Variants in PPFIBP1 observed in about 807,000 individuals in gnomAD.
PPFIBP1 encodes the protein liprin-beta-1.
In PPFIBP1, 112 loss-of-function variants were observed where a neutral mutation model predicts 137.8. The observed-to-expected ratio is 0.81, with a 90% CI of 0.70 to 0.95. PPFIBP1 has a LOEUF of 0.95. PPFIBP1 is among the 40% of genes least tolerant of loss of function. The probability of loss-of-function intolerance (pLI) is 0.00; values close to 1 mark genes in which losing one functional copy is unlikely to be tolerated. For missense variants in PPFIBP1, 1,083 were observed against 1,196.6 expected (o/e 0.91, Z 1.40); for synonymous variants, 378 against 417.3 (o/e 0.91, Z 1.15).
intron 2 of PPFIBP1, among the ~76,000 whole-genome samples, chr12:27,622,054 C>G (rs2056392320): frequency 6.6e-6 from 1 of 152,144 alleles, no homozygotes; most frequent in African/African-American, 2.4e-5. Flanking sequence ...ACTTAGCAGC[C>G]CATCCTTATT....
At position 27,692,944 on chromosome 12, in the gene PPFIBP1, C is replaced by G; in HGVS notation, c.*62C>G. ...TTTTTTCTACTTGCTTTTCCAAACA[C>G]TCACAGTATATACAACAGGCAGCGG... is the stretch of plus-strand genomic sequence containing the variant. On this transcript the variant is annotated 3_prime_UTR_variant, in exon 30 of 30. Transcript: ENST00000228425. 1 of 1,600,032 alleles carries G rather than the reference C, an allele frequency of 6.2e-7. No individual in the cohort carries two copies. The highest frequency in any genetic ancestry group is 8.5e-7 in the Non-Finnish European group (1 of 1,173,632).
At chr12:27,641,555 T>TA (rs2058105535) in intron 4 of PPFIBP1, among the ~76,000 whole-genome samples, 1 of 152,328 alleles carries the variant, frequency 6.6e-6, no homozygotes, top group South Asian at 2.1e-4. Context: ...TTTTCTGTAA[T>TA]AAAAAACATT....
At chr12:27,645,626 A>C (rs1281345793) in intron 4 of PPFIBP1, among the ~76,000 whole-genome samples, 4 of 152,220 alleles carry the variant, frequency 2.6e-5, no homozygotes, top group African/African-American at 9.6e-5. Context: ...AAAAGTGTTA[A>C]AATGGAGATA....
chr12:27,620,128 G>C (rs1447555634), intron 2 of PPFIBP1, among the ~76,000 whole-genome samples: 3 of 152,094 alleles, frequency 2.0e-5, no homozygotes, highest in Non-Finnish European at 4.4e-5. Context: ...GACTGTTCTT[G>C]CTTCTACCTC....
intron 2 of PPFIBP1, among the ~76,000 whole-genome samples, chr12:27,589,016 G>A (rs2052132663): frequency 6.6e-6 from 1 of 152,156 alleles, no homozygotes; most frequent in African/African-American, 2.4e-5. Context: ...ACTTCTGAAA[G>A]CACAGCGTTG....
chr12:27,539,354 T>G (rs992173007), intron 1 of PPFIBP1, among the ~76,000 whole-genome samples: 3 of 152,324 alleles, frequency 2.0e-5, no homozygotes, highest in African/African-American at 7.2e-5. Flanking sequence ...TGGCGTGGGT[T>G]TATCAGAGCT....
chr12:27,561,704 T>G (rs1332167300), intron 1 of PPFIBP1, among the ~76,000 whole-genome samples: 1 of 152,108 alleles, frequency 6.6e-6, no homozygotes, highest in Non-Finnish European at 1.5e-5. Flanking sequence ...CTTTCGTTTC[T>G]GTAGTTCTCC....
At chr12:27,570,865 A>G (rs2050085048) in intron 1 of PPFIBP1, among the ~76,000 whole-genome samples, 1 of 152,176 alleles carries the variant, frequency 6.6e-6, no homozygotes, top group South Asian at 2.1e-4. Context: ...GTTAGCCGAG[A>G]TGGCACCACT....
chr12:27,527,917 T>G (rs533861956), intron 1 of PPFIBP1, among the ~76,000 whole-genome samples: 1 of 152,298 alleles, frequency 6.6e-6, no homozygotes, highest in African/African-American at 2.4e-5. Flanking sequence ...GGTTACTGTC[T>G]CATTTTGATG....
At chr12:27,593,971 G>A in intron 2 of PPFIBP1, 1 of 1,421,000 alleles carries the variant, frequency 7.0e-7, no homozygotes. Context: ...AGCCCACAGA[G>A]AGGATCAGGT....
At chr12:27,566,804 G>GC (rs1184550051) in intron 1 of PPFIBP1, among the ~76,000 whole-genome samples, 4 of 152,192 alleles carry the variant, frequency 2.6e-5, no homozygotes, top group Non-Finnish European at 4.4e-5. Context: ...AAGTACTGGA[G>GC]CTGGGATTCA....
intron 1 of PPFIBP1, among the ~76,000 whole-genome samples, chr12:27,533,050 T>C (rs150723976): frequency 3.8e-3 from 583 of 152,292 alleles, no homozygotes; most frequent in Middle Eastern, 6.8e-3. Flanking sequence ...TTGCCCAGGC[T>C]GGAGAGCAGT....
Position 27,689,223 on chromosome 12 carries a change from GT to G in PPFIBP1, c.2685+23del, listed in dbSNP as rs1338022771. On this transcript the variant is annotated intron_variant, in intron 27 of 29. Coordinates refer to ENST00000228425, the MANE Select transcript of PPFIBP1 (RefSeq NM_003622.4). ...GTGAAGGTTGGTTCAGGCTCATACG[GT>G]TTAATAATTGCTTGGCGCAAAGGCA... 1.3e-6 allele frequency: 2 copies of G among 1,512,234 alleles called. No homozygotes were observed. The highest frequency in any genetic ancestry group is 1.8e-6 in the Non-Finnish European group (2 of 1,135,788). The allele number at this position is 1,512,234 out of a possible 1,614,324, so 93.7% of individuals were successfully genotyped here. A position where few individuals can be genotyped will look rare whatever the true frequency, so the allele number is the denominator to read the frequency against.
At chr12:27,685,696 G>A (rs866318130) in intron 24 of PPFIBP1, among the ~76,000 whole-genome samples, 6 of 152,108 alleles carry the variant, frequency 3.9e-5, no homozygotes, top group African/African-American at 1.2e-4. Context: ...GGACCTTACT[G>A]GACAAACTGG....
intron 15 of PPFIBP1, 93 bp from the exon 16 acceptor site, chr12:27,673,674 C>A: frequency 1.9e-6 from 2 of 1,039,798 alleles, no homozygotes; most frequent in South Asian, 1.5e-5. Context: ...GGATTCAACC[C>A]ACACGCAATT....
chr12:27,594,766 T>TCAAAACATTTTGATGGACTTC (rs1373188171), intron 2 of PPFIBP1, among the ~76,000 whole-genome samples: 73 of 152,292 alleles, frequency 4.8e-4, no homozygotes, highest in African/African-American at 1.7e-3. Context: ...GTAATAACTA[T>TCAAAACATTTTGATGGACTTC]CAAAACATTT....
intron 8 of PPFIBP1, among the ~76,000 whole-genome samples, chr12:27,656,027 A>G (rs565848101): frequency 8.7e-4 from 133 of 152,306 alleles, no homozygotes; most frequent in South Asian, 7.7e-3. Flanking sequence ...GGGCTCCACT[A>G]TCTGTTTTCG....
rs1378028514 is a variant in PPFIBP1 at position 27,676,549 on chromosome 12, G to A, written c.1532G>A (p.Gly511Asp). ...AAAGTCAGATCTTCCTTTGGCCGGG[G>A]CTTTTTTAAAATCAAAAGTAACAAG... The part of the protein sequence containing the change: ...TRKVRSSFGR[G>D]FFKIKSNKRT... The change falls in exon 18 of 30, where the codon GGC becomes GAC. Residue 511 changes from glycine to aspartate, a missense_variant. Transcript: ENST00000228425. 1.2e-6 allele frequency: 2 copies of A among 1,606,206 alleles called. No homozygotes were observed. The highest frequency in any genetic ancestry group is 1.7e-6 in the Non-Finnish European group (2 of 1,175,802).
At chr12:27,604,623 C>A (rs2054323565) in intron 2 of PPFIBP1, among the ~76,000 whole-genome samples, 1 of 152,242 alleles carries the variant, frequency 6.6e-6, no homozygotes, top group Admixed American at 6.5e-5. Flanking sequence ...CTATGGGAGG[C>A]TCCCTGCCTC....
Sources: gnomAD v4.1 joint callset for allele counts (sites outside exome capture counted in the v4.1 genomes callset) on GRCh38, gnomAD v4.1.1 for gene constraint, MANE v1.5 for transcripts, NCBI Gene and HGNC (gene_info 2026-07-23, HGNC 2026-07-21) for gene names.